The following PCDHGA6 variants were observed in gnomAD, a reference collection of about 807,000 sequenced individuals.
PCDHGA6 encodes the protein protocadherin gamma subfamily A, 6, also known as protocadherin gamma-A6.
Under a neutral mutation model 60.6 loss-of-function variants are expected in PCDHGA6, and 41 were observed. That is an observed-to-expected ratio of 0.68 (90% CI 0.53 to 0.88). The LOEUF (loss-of-function observed/expected upper bound fraction) is 0.88. Among genes scored for constraint, PCDHGA6 ranks in the 40% least tolerant of loss-of-function variants. PCDHGA6 has a pLI of 0.00. For synonymous variants in PCDHGA6, 594 were observed against 524.4 expected, an observed-to-expected ratio of 1.13 and a Z score of -1.81; for missense variants, 1,312 against 1,203.0, an observed-to-expected ratio of 1.09 and a Z score of -1.34.
intron 1 of PCDHGA6, among the ~76,000 whole-genome samples, chr5:141,459,532 TA>T (rs1031834752): frequency 6.6e-5 from 10 of 152,354 alleles, no homozygotes; most frequent in East Asian, 3.9e-4. Context: ...TTTGTAGGCA[TA>T]TTTTTTTTAT....
At chr5:141,501,570 G>C (rs1251110101) in intron 2 of PCDHGA6, among the ~76,000 whole-genome samples, 1 of 151,996 alleles carries the variant, frequency 6.6e-6, no homozygotes, top group African/African-American at 2.4e-5. Flanking sequence ...ATCATATTAG[G>C]CTGGCTTTCA....
chr5:141,421,403 A>G, intron 1 of PCDHGA6: 1 of 1,614,054 alleles, frequency 6.2e-7, no homozygotes, highest in Non-Finnish European at 8.5e-7. Context: ...GAGCCCCGGG[A>G]GCTGGCGAAG....
chr5:141,462,161 T>G (rs1592764918), intron 1 of PCDHGA6, among the ~76,000 whole-genome samples: 1 of 152,148 alleles, frequency 6.6e-6, no homozygotes, highest in Non-Finnish European at 1.5e-5. Flanking sequence ...GGTTTCATCA[T>G]GTTGGCCAGG....
chr5:141,415,102 A>G, intron 1 of PCDHGA6: 2 of 1,613,550 alleles, frequency 1.2e-6, no homozygotes, highest in Non-Finnish European at 8.5e-7. Flanking sequence ...AGACGCGCTC[A>G]AGCAAAGCCT....
At chr5:141,461,607 A>C (rs74634930) in intron 1 of PCDHGA6, among the ~76,000 whole-genome samples, 8,353 of 152,212 alleles carry the variant, frequency 0.055, 473 homozygotes, top group African/African-American at 0.15. Flanking sequence ...AATTTAGTTC[A>C]AAGTATTTTC....
rs2099412065 is a variant in PCDHGA6, at chr5:141,477,502, C to T, written c.2425-17305C>T. On this transcript the variant is annotated intron_variant, in intron 1 of 3. Coordinates refer to ENST00000517434, the MANE Select transcript of PCDHGA6 (RefSeq NM_018919.3). This position sits in a 1 kb window ranked among gnomAD's most constrained non-coding sequence, Gnocchi z 4.9. ...CTCCACAATCTTCTCAATCTTCCTACGACGTTTACATTGAAGAAAACAACC... is the reference window on the plus strand; with the variant it reads ...CTCCACAATCTTCTCAATCTTCCTATGACGTTTACATTGAAGAAAACAACC... 2 of 1,614,144 alleles carry T rather than the reference C, an allele frequency of 1.2e-6. No homozygotes were observed. Among genetic ancestry groups the T allele is most frequent in the Non-Finnish European group, 1.7e-6 (2 of 1,180,018 alleles).
Position 141,485,331 on chromosome 5 carries a change from T to C in PCDHGA6, c.2425-9476T>C, listed in dbSNP as rs1203054851. On this transcript the variant is annotated intron_variant, in intron 1 of 3. Transcript: ENST00000517434. This position sits in a 1 kb window ranked among gnomAD's most constrained non-coding sequence, Gnocchi z 5.7. Reference sequence around the variant, plus strand: ...GTAGGGAATGTCGCTCAAGATTTCCTGCTGGATACGGACAGTCTGTCAGCT... The same window carrying C: ...GTAGGGAATGTCGCTCAAGATTTCCCGCTGGATACGGACAGTCTGTCAGCT... 6.2e-7 allele frequency: 1 copy of C among 1,614,048 alleles called. No individual in the cohort carries two copies. Among genetic ancestry groups the C allele is most frequent in the African/African-American group, 1.3e-5 (1 of 74,902 alleles).
chr5:141,418,785 T>C, intron 1 of PCDHGA6: 1 of 1,613,862 alleles, frequency 6.2e-7, no homozygotes, highest in African/African-American at 1.3e-5. Flanking sequence ...CCTTTGGATT[T>C]TGAAGAAGTA....
chr5:141,496,277 T>C (rs1484877198), intron 2 of PCDHGA6, among the ~76,000 whole-genome samples: 1 of 152,134 alleles, frequency 6.6e-6, no homozygotes, highest in Non-Finnish European at 1.5e-5. Context: ...AGACCTTCAG[T>C]TGGTCTGAGC....
intron 2 of PCDHGA6, among the ~76,000 whole-genome samples, chr5:141,504,869 C>T (rs919109041): frequency 6.6e-6 from 1 of 152,134 alleles, no homozygotes; most frequent in Admixed American, 6.5e-5. Flanking sequence ...CCCACCTTCA[C>T]AGTCCTCTGG....
intron 1 of PCDHGA6, chr5:141,400,120 C>T: frequency 1.2e-6 from 2 of 1,614,076 alleles, no homozygotes; most frequent in Non-Finnish European, 1.7e-6. Flanking sequence ...TGACAGCTTG[C>T]AGGAGGTGCT....
intron 1 of PCDHGA6, chr5:141,389,929 T>A: frequency 6.2e-7 from 1 of 1,614,012 alleles, no homozygotes; most frequent in Non-Finnish European, 8.5e-7. Context: ...CCCTCTGACC[T>A]CCAGGCTGAG....
Position 141,489,084 on chromosome 5 carries a change from C to CCG in PCDHGA6, c.2425-5723_2425-5722insCG. On this transcript the variant is annotated intron_variant, in intron 1 of 3. Coordinates refer to ENST00000517434, the MANE Select transcript of PCDHGA6 (RefSeq NM_018919.3). The surrounding 1 kb of genome is among the most constrained non-coding windows in gnomAD (Gnocchi z 4.5). ...CTCCCCCCTGCCCACCCCCGCCACT[C>CCG]GGTGACTAAGAACTGCTGCAAGCAG... 9.1e-6 allele frequency: 3 copies of CCG among 329,130 alleles called. No individual in the cohort carries two copies. The highest frequency in any genetic ancestry group is 5.4e-6 in the Non-Finnish European group (1 of 186,464). The allele number at this position is 329,130 out of a possible 1,614,324, so 20.4% of individuals were successfully genotyped here. A position where few individuals can be genotyped will look rare whatever the true frequency, so the allele number is the denominator to read the frequency against.
intron 1 of PCDHGA6, chr5:141,409,446 C>A: frequency 6.2e-7 from 1 of 1,613,984 alleles, no homozygotes; most frequent in Middle Eastern, 1.6e-4. Flanking sequence ...CGAGAGCAGA[C>A]ACCAGAATAC....
At position 141,476,043 on chromosome 5, in the gene PCDHGA6, A is replaced by T. The variant is rs2099384502; in HGVS notation, c.2425-18764A>T. 1 of 1,492,156 alleles carries T rather than the reference A, an allele frequency of 6.7e-7. No individual in the cohort carries two copies. Among genetic ancestry groups the T allele is most frequent in the African/African-American group, 1.4e-5 (1 of 71,628 alleles). The allele number at this position is 1,492,156 out of a possible 1,614,324, so 92.4% of individuals were successfully genotyped here. On this transcript the variant is annotated intron_variant, in intron 1 of 3. Coordinates refer to ENST00000517434, the MANE Select transcript of PCDHGA6 (RefSeq NM_018919.3). The surrounding 1 kb of genome is among the most constrained non-coding windows in gnomAD (Gnocchi z 7.6). ...ACTCGGCGCCCAGCGCCCAAGCGCT[A>T]ACCCGCTGAAAGTTTCTCAGCGAAA...
intron 1 of PCDHGA6, among the ~76,000 whole-genome samples, chr5:141,446,175 G>A (rs1288608276): frequency 1.3e-5 from 2 of 152,276 alleles, no homozygotes; most frequent in Non-Finnish European, 2.9e-5. Context: ...AGGGCAGGGG[G>A]TGTTTTGTTT....
chr5:141,423,265 G>A (rs973635802), intron 1 of PCDHGA6: 15 of 1,613,548 alleles, frequency 9.3e-6, no homozygotes, highest in African/African-American at 1.3e-5. Context: ...CGGCAGCCTC[G>A]AGTCTCTGGC....
chr5:141,479,000 T>C (rs2099485433), intron 1 of PCDHGA6, among the ~76,000 whole-genome samples: 1 of 152,244 alleles, frequency 6.6e-6, no homozygotes, highest in Non-Finnish European at 1.5e-5. Flanking sequence ...TTAAAACTAA[T>C]AGCTTTTTGA....
rs758241355 is a variant in PCDHGA6, at chr5:141,374,295, G to A, written c.212G>A (p.Arg71Lys). The change falls in exon 1 of 4, where the codon AGG becomes AAG. Residue 71 changes from arginine (R) to lysine (K), a missense_variant. Coordinates refer to ENST00000517434, the MANE Select transcript of PCDHGA6 (RefSeq NM_018919.3). ...GGAGTCCGCATCGTCTCCAGAGGTAGGATGCAGCTTTTCTCTCTGAATCCG... is the reference window on the plus strand; with the variant it reads ...GGAGTCCGCATCGTCTCCAGAGGTAAGATGCAGCTTTTCTCTCTGAATCCG... ...EHGVRIVSRG[R>K]MQLFSLNPRN... 3 of 1,613,962 alleles carry A rather than the reference G, an allele frequency of 1.9e-6. No individual in the cohort carries two copies. Among genetic ancestry groups the A allele is most frequent in the East Asian group, 2.2e-5 (1 of 44,864 alleles).
Sources: allele counts gnomAD v4.1 joint callset (sites outside exome capture counted in the v4.1 genomes callset), GRCh38; gene constraint gnomAD v4.1.1; non-coding constraint Gnocchi (gnomAD v3.1); transcripts MANE v1.5; gene names NCBI Gene and HGNC (gene_info 2026-07-23, HGNC 2026-07-21).